BICC1: variants seen among roughly 807,000 people sequenced by gnomAD.
The protein encoded by BICC1 is BicC family RNA binding protein 1.
Under a neutral mutation model 111.0 loss-of-function variants are expected in BICC1, and 43 were observed. That is an observed-to-expected ratio of 0.39 (90% CI 0.30 to 0.50). The LOEUF (loss-of-function observed/expected upper bound fraction) is 0.50. Ranked by LOEUF, BICC1 falls within the 20% of genes least tolerant of loss-of-function variation. The pLI is 0.88. For synonymous variants in BICC1, 467 were observed against 434.4 expected (o/e 1.07, Z -0.93); for missense variants, 1,091 against 1,203.2 (o/e 0.91, Z 1.38).
intron 1 of BICC1, among the ~76,000 whole-genome samples, chr10:58,579,121 C>T (rs1293750737): frequency 6.6e-6 from 1 of 152,056 alleles, no homozygotes; most frequent in Non-Finnish European, 1.5e-5. Context: ...TGGTCAGCCC[C>T]ACTGAAGCCC....
intron 1 of BICC1, among the ~76,000 whole-genome samples, chr10:58,574,086 GT>G (rs1195823779): frequency 6.6e-6 from 1 of 152,092 alleles, no homozygotes; most frequent in Non-Finnish European, 1.5e-5. Context: ...TACTCATGAA[GT>G]ACCTCTGGGG....
intron 3 of BICC1, among the ~76,000 whole-genome samples, chr10:58,703,326 A>G (rs111765306): frequency 1.3e-5 from 2 of 151,464 alleles, no homozygotes; most frequent in African/African-American, 2.4e-5. Flanking sequence ...TGCTTGGGTA[A>G]TGTTTGCATT....
At chr10:58,652,423 A>T (rs1379156084) in intron 2 of BICC1, among the ~76,000 whole-genome samples, 2 of 152,130 alleles carry the variant, frequency 1.3e-5, no homozygotes, top group Admixed American at 6.6e-5. Flanking sequence ...AACATATAAT[A>T]GTAATTTATA....
At chr10:58,672,347 A>G (rs556979965) in intron 2 of BICC1, among the ~76,000 whole-genome samples, 8 of 152,240 alleles carry the variant, frequency 5.3e-5, no homozygotes, top group African/African-American at 1.7e-4. Context: ...TTTAAATTCT[A>G]TTCACTATTA....
chr10:58,699,866 A>G (rs1204891520), intron 2 of BICC1, among the ~76,000 whole-genome samples: 4 of 151,952 alleles, frequency 2.6e-5, no homozygotes, highest in Non-Finnish European at 4.4e-5. Context: ...TAATTTTTGT[A>G]TTTTTTGTAG....
At chr10:58,775,406 A>AAAAAAC (rs2132740148) in intron 3 of BICC1, among the ~76,000 whole-genome samples, 2 of 151,938 alleles carry the variant, frequency 1.3e-5, no homozygotes, top group East Asian at 3.9e-4. Context: ...ACAAAAAAAA[A>AAAAAAC]CAAACAAAAA....
intron 2 of BICC1, among the ~76,000 whole-genome samples, chr10:58,697,351 A>G (rs1840093164): frequency 6.6e-6 from 1 of 152,152 alleles, no homozygotes; most frequent in Non-Finnish European, 1.5e-5. Flanking sequence ...TATTTCCATG[A>G]TGTTTTTGAA....
At chr10:58,623,390 T>C (rs761813688) in intron 2 of BICC1, among the ~76,000 whole-genome samples, 44 of 152,090 alleles carry the variant, frequency 2.9e-4, no homozygotes, top group Non-Finnish European at 5.7e-4. Context: ...CTTCTTCCAT[T>C]GAGTCAACGT....
chr10:58,592,528 C>T (rs956821940), intron 1 of BICC1, among the ~76,000 whole-genome samples: 10 of 147,328 alleles, frequency 6.8e-5, no homozygotes, highest in African/African-American at 1.5e-4. Flanking sequence ...CTGGCTAACA[C>T]GGTGAAACCC....
At chr10:58,611,628 A>C (rs1845424191) in intron 1 of BICC1, among the ~76,000 whole-genome samples, 1 of 151,830 alleles carries the variant, frequency 6.6e-6, no homozygotes, top group South Asian at 2.1e-4. Flanking sequence ...GGCATGCTCT[A>C]CCACTCCCAG....
intron 3 of BICC1, among the ~76,000 whole-genome samples, chr10:58,721,864 G>A (rs1168438105): frequency 6.6e-6 from 1 of 152,118 alleles, no homozygotes; most frequent in African/African-American, 2.4e-5. Flanking sequence ...GAGCATTGAT[G>A]ATTGATCACA....
chr10:58,650,179 A>G (rs147142323), intron 2 of BICC1: 24 of 152,200 alleles, frequency 1.6e-4, no homozygotes, highest in African/African-American at 5.5e-4. Context: ...TGCCATTCCT[A>G]ATGTATATTT....
At chr10:58,766,976 A>G (rs1246942269) in intron 3 of BICC1, among the ~76,000 whole-genome samples, 1 of 151,720 alleles carries the variant, frequency 6.6e-6, no homozygotes, top group Admixed American at 6.6e-5. Flanking sequence ...ATCACAGCAG[A>G]TAGGTCTTAG....
At position 58,549,182 on chromosome 10, in the gene BICC1, T is replaced by C. The variant is rs563968022; in HGVS notation, c.190+35849T>C. On this transcript the variant is annotated intron_variant, in intron 1 of 20. Transcript: ENST00000373886. ...TTCTCCTATGAATAGTATTCTATTA[T>C]ATGGATGACAACAGTTCGTTTATAC... is the stretch of plus-strand genomic sequence containing the variant. Among the ~76,000 whole-genome samples, 87 of 152,046 alleles carry C rather than the reference T, an allele frequency of 5.7e-4. 1 individual carries two copies. The highest frequency in any genetic ancestry group is 7.4e-4 in the Non-Finnish European group (50 of 68,010).
At chr10:58,616,064 G>C (rs554936636) in intron 1 of BICC1, among the ~76,000 whole-genome samples, 1 of 152,162 alleles carries the variant, frequency 6.6e-6, no homozygotes, top group Non-Finnish European at 1.5e-5. Flanking sequence ...AGAAGCTGCC[G>C]TAAGTGGGGA....
rs116405491 is a variant in BICC1 at position 58,819,585 on chromosome 10, C to T, written c.2695-784C>T. Among the ~76,000 whole-genome samples the T allele has an allele frequency of 1.1e-4, 16 of 152,204 alleles. No individual in the cohort carries two copies. In the South Asian group the frequency reaches 3.3e-3, roughly 32 times the overall value. ...TATATCAACATGCATTATTACTAACCATACCTGCCAATTGTCTTATTTGGT... is the reference window on the plus strand; with the variant it reads ...TATATCAACATGCATTATTACTAACTATACCTGCCAATTGTCTTATTTGGT... On this transcript the variant is annotated intron_variant, in intron 19 of 20. Transcript: ENST00000373886.
chr10:58,666,080 T>C (rs557836732), intron 2 of BICC1, among the ~76,000 whole-genome samples: 109 of 152,318 alleles, frequency 7.2e-4, no homozygotes, highest in African/African-American at 2.5e-3. Flanking sequence ...AATTGAGCAA[T>C]GAATGATTTG....
At chr10:58,557,142 A>G (rs938665706) in intron 1 of BICC1, among the ~76,000 whole-genome samples, 71 of 152,068 alleles carry the variant, frequency 4.7e-4, no homozygotes, top group Non-Finnish European at 1.3e-4. Context: ...GTTTTCGTTG[A>G]GTAAATAATT....
At chr10:58,620,363 A>G (rs766569635) in intron 1 of BICC1, among the ~76,000 whole-genome samples, 36 of 152,228 alleles carry the variant, frequency 2.4e-4, no homozygotes, top group Non-Finnish European at 5.0e-4. Context: ...CTTTGTATAT[A>G]CAAATGAAGG....
Sources: gnomAD v4.1 joint callset for allele counts (sites outside exome capture counted in the v4.1 genomes callset) on GRCh38, gnomAD v4.1.1 for gene constraint, MANE v1.5 for transcripts, NCBI Gene and HGNC (gene_info 2026-07-23, HGNC 2026-07-21) for gene names.